The following RIPOR2 variants were observed in gnomAD, a reference collection of about 807,000 sequenced individuals.
The protein encoded by RIPOR2 is RHO family interacting cell polarization regulator 2, also known as rho family-interacting cell polarization regulator 2.
Under a neutral mutation model 114.5 loss-of-function variants are expected in RIPOR2, and 39 were observed. That is an observed-to-expected ratio of 0.34 (90% CI 0.26 to 0.44). RIPOR2 has a LOEUF of 0.44. RIPOR2 is among the 20% of genes least tolerant of loss of function. RIPOR2 has a pLI of 1.00. For synonymous variants in RIPOR2, 445 were observed against 484.4 expected (o/e 0.92, Z 1.07); for missense variants, 1,007 against 1,255.1 (o/e 0.80, Z 2.99).
intron 1 of RIPOR2, among the ~76,000 whole-genome samples, chr6:24,925,634 G>A (rs180752505): frequency 2.2e-4 from 33 of 152,100 alleles, no homozygotes; most frequent in African/African-American, 3.9e-4. Flanking sequence ...CCCAGGAGGC[G>A]GAGGTTGCAG....
At chr6:25,010,222 C>T (rs1775721295) in intron 1 of RIPOR2, among the ~76,000 whole-genome samples, 1 of 152,144 alleles carries the variant, frequency 6.6e-6, no homozygotes, top group African/African-American at 2.4e-5. Context: ...CCCTCATGAA[C>T]AGTCTCGTGC....
chr6:25,036,289 G>A (rs1398399843), intron 1 of RIPOR2, among the ~76,000 whole-genome samples: 3 of 152,222 alleles, frequency 2.0e-5, no homozygotes, highest in East Asian at 3.8e-4. Flanking sequence ...CAGTGGGACA[G>A]AGAAAACTCA....
At chr6:24,895,652 G>A (rs1221725355) in intron 1 of RIPOR2, among the ~76,000 whole-genome samples, 1 of 152,108 alleles carries the variant, frequency 6.6e-6, no homozygotes, top group Non-Finnish European at 1.5e-5. Flanking sequence ...TGTGTCACTC[G>A]TTCAGTTGCA....
chr6:24,901,173 A>G (rs1478874052), intron 1 of RIPOR2, among the ~76,000 whole-genome samples: 1 of 152,076 alleles, frequency 6.6e-6, no homozygotes, highest in African/African-American at 2.4e-5. Context: ...CAGCTGGATT[A>G]TAAAGGAGTG....
chr6:24,944,434 T>C (rs541107366), intron 1 of RIPOR2, among the ~76,000 whole-genome samples: 1 of 152,192 alleles, frequency 6.6e-6, no homozygotes, highest in East Asian at 1.9e-4. Context: ...TTTACAGAAC[T>C]ATCTCAGAAA....
At chr6:24,847,428 C>G in intron 12 of RIPOR2, 2 of 1,109,542 alleles carry the variant, frequency 1.8e-6, no homozygotes, top group South Asian at 1.5e-5. Flanking sequence ...GACAGTACAG[C>G]TGTAACCATA....
In RIPOR2 at chr6:24,951,188, G is replaced by A. The variant is rs145633278; in HGVS notation, c.77-75371C>T. On this transcript the variant is annotated intron_variant, in intron 1 of 13. Transcript: ENST00000510784. ...CCAGGTCACAGGTGTCAGGGTGATC[G>A]GAACACTCTGCCCTACAGTGACCTT... 2.1e-4 allele frequency among the ~76,000 whole-genome samples: 32 copies of A among 152,220 alleles called. No homozygotes were observed. The East Asian group carries it at 4.6e-3, about 22-fold the overall frequency.
rs531502917 is a variant in RIPOR2 at position 24,837,419 on chromosome 6, CTTAT to C, written c.2040-1552_2040-1549del. ...ACAGGAGTGAGCCACCACTCCCGGC[CTTAT>C]TTATTTATTTGAGAGAAGGTCTCGC... is the stretch of plus-strand genomic sequence containing the variant. On this transcript the variant is annotated intron_variant, in intron 14 of 21. Transcript: ENST00000643898. Among the ~76,000 whole-genome samples, 81 of 152,086 alleles carry C rather than the reference CTTAT, an allele frequency of 5.3e-4. No homozygotes were observed. In the East Asian group the frequency reaches 0.014, roughly 27 times the overall value.
At chr6:24,985,344 G>A (rs201716153) in intron 1 of RIPOR2, among the ~76,000 whole-genome samples, 1 of 147,298 alleles carries the variant, frequency 6.8e-6, no homozygotes, top group Non-Finnish European at 1.5e-5. Context: ...GCAAGAGGTG[G>A]GACCAGGGGC....
rs760643446 is a variant in RIPOR2, at chr6:24,848,088, C to T, written c.1101G>A (p.Arg367=). 8 of 1,613,798 alleles carry T rather than the reference C, an allele frequency of 5.0e-6. No homozygotes were observed. The highest frequency in any genetic ancestry group is 6.8e-6 in the Non-Finnish European group (8 of 1,179,866). The change falls in exon 12 of 22, where the codon AGG becomes AGA. Residue 367 remains arginine, a synonymous_variant. Coordinates refer to ENST00000643898, the MANE Select transcript of RIPOR2 (RefSeq NM_001286445.3). Reference sequence around the variant, plus strand: ...TACCCTGGCTGTACATGGACATTCTCCTCTGAAGGGCTGCTGCCTTGTTCC... The same window carrying T: ...TACCCTGGCTGTACATGGACATTCTTCTCTGAAGGGCTGCTGCCTTGTTCC... ...GAGNKAAALQ[R]RMSMYSQGTP...
intron 1 of RIPOR2, among the ~76,000 whole-genome samples, chr6:25,029,145 G>C (rs768739712): frequency 2.8e-4 from 42 of 152,044 alleles, no homozygotes; most frequent in Admixed American, 9.2e-4. Flanking sequence ...AAAATTAGCC[G>C]GGCATGGTGG....
At chr6:24,990,811 G>A (rs567931620) in intron 1 of RIPOR2, among the ~76,000 whole-genome samples, 15 of 152,294 alleles carry the variant, frequency 9.8e-5, no homozygotes, top group African/African-American at 3.4e-4. Flanking sequence ...GAATGGATGG[G>A]CCAGGAGAAT....
chr6:25,015,896 G>GTTTTTTTTTTTTT lies in RIPOR2; in HGVS notation c.76+25942_76+25954dup, dbSNP rs869301317. 33 of 45,864 alleles carry GTTTTTTTTTTTTT rather than the reference G, an allele frequency of 7.2e-4. 10 individuals carry two copies. The highest frequency in any genetic ancestry group is 2.0e-3 in the African/African-American group (28 of 14,096). The allele number at this position is 45,864 out of a possible 1,614,324, so 2.8% of individuals were successfully genotyped here. The stretch of plus-strand genomic sequence containing the variant: ...TCCCCTTAAAAACGCAGGTTTTTTG[G>GTTTTTTTTTTTTT]TTTTTTTTTTTTTTTTTTTTTTTTT... On this transcript the variant is annotated intron_variant, in intron 1 of 13. Coordinates refer to the RIPOR2 transcript ENST00000510784.
At chr6:24,892,455 A>G (rs1042574569) in intron 1 of RIPOR2, among the ~76,000 whole-genome samples, 4 of 152,136 alleles carry the variant, frequency 2.6e-5, no homozygotes, top group Admixed American at 2.6e-4. Context: ...TGGGTCACAC[A>G]AGAACTGTTT....
intron 1 of RIPOR2, among the ~76,000 whole-genome samples, chr6:24,947,252 C>T (rs1196378121): frequency 6.6e-6 from 1 of 152,102 alleles, no homozygotes; most frequent in East Asian, 1.9e-4. Context: ...TGAAACACAC[C>T]TCAACTCTCC....
At chr6:24,937,920 C>T (rs1268324959), upstream of RIPOR2, among the ~76,000 whole-genome samples, 1 of 152,134 alleles carries the variant, frequency 6.6e-6, no homozygotes, top group Non-Finnish European at 1.5e-5. Flanking sequence ...GCACTACCTC[C>T]CTCACCTCCC....
intron 12 of RIPOR2, among the ~76,000 whole-genome samples, chr6:24,847,008 A>G (rs1762367795): frequency 6.6e-6 from 1 of 152,110 alleles, no homozygotes; most frequent in Admixed American, 6.6e-5. Flanking sequence ...CTGGAGTGCA[A>G]TGGCACCATC....
intron 2 of RIPOR2, 106 bp downstream of exon 2, chr6:24,875,585 C>T (rs1765644400): frequency 4.0e-6 from 4 of 998,066 alleles, no homozygotes; most frequent in Non-Finnish European, 5.9e-6. Flanking sequence ...GGGGAGGAGG[C>T]CGGGGGGCGG....
At chr6:24,927,303 C>CACA (rs1771008204) in intron 1 of RIPOR2, among the ~76,000 whole-genome samples, 1 of 53,918 alleles carries the variant, frequency 1.9e-5, no homozygotes, top group African/African-American at 9.7e-5. Flanking sequence ...CCACCACCAC[C>CACA]ACAACTACAA....
Sources: gnomAD v4.1 joint callset for allele counts (sites outside exome capture counted in the v4.1 genomes callset) on GRCh38, gnomAD v4.1.1 for gene constraint, MANE v1.5 for transcripts, NCBI Gene and HGNC (gene_info 2026-07-23, HGNC 2026-07-21) for gene names.